GPR101: variants seen among roughly 807,000 people sequenced by gnomAD.
The protein encoded by GPR101 is probable G protein-coupled receptor 101.
In GPR101, 8 loss-of-function variants were observed where a neutral mutation model predicts 16.4. The ratio of observed to expected loss-of-function variants is 0.49; its 90% confidence interval spans 0.29 to 0.88. The LOEUF (loss-of-function observed/expected upper bound fraction) is 0.88, where lower values mean the gene tolerates loss of function less well. Among genes scored for constraint, GPR101 ranks in the 40% least tolerant of loss-of-function variants. The pLI, the probability that GPR101 is intolerant of heterozygous loss-of-function variation, is 0.09. For synonymous variants in GPR101, 155 were observed against 168.7 expected, an observed-to-expected ratio of 0.92 and a Z score of 0.63; for missense variants, 375 against 411.7, an observed-to-expected ratio of 0.91 and a Z score of 0.77.
Position 137,025,575 on chromosome X carries a change from A to G in GPR101, c.*4573T>C, listed in dbSNP as rs1250219714. Among the ~76,000 whole-genome samples the G allele has an allele frequency of 1.8e-5, 2 of 112,572 alleles. No individual in the cohort carries two copies. The highest frequency in any genetic ancestry group is 6.5e-5 in the African/African-American group (2 of 31,002). On this transcript the variant is annotated 3_prime_UTR_variant, in exon 2 of 2. Transcript: ENST00000651716. ...TTAGAACAAGACAGATAGAATAATT[A>G]TTCCTCAGACATAGTAAACCTCCTG... is the stretch of plus-strand genomic sequence containing the variant.
rs189740523 is a variant in GPR101 at position 137,026,758 on chromosome X, G to A, written c.*3390C>T. ...CTTTTCCTTACCTGTTGAATTTGAAGTAGGTATCCCGTCATCTCTAAATTG... is the reference window on the plus strand; with the variant it reads ...CTTTTCCTTACCTGTTGAATTTGAAATAGGTATCCCGTCATCTCTAAATTG... On this transcript the variant is annotated 3_prime_UTR_variant, in exon 2 of 2. Transcript: ENST00000651716. 3.6e-5 allele frequency among the ~76,000 whole-genome samples: 4 copies of A among 111,450 alleles called. No individual in the cohort carries two copies. The East Asian group carries it at 1.1e-3, about 31-fold the overall frequency.
Position 137,030,515 on chromosome X carries a change from G to C in GPR101, c.1160C>G (p.Pro387Arg), listed in dbSNP as rs1478005892. The C allele has an allele frequency of 5.8e-6, 7 of 1,208,573 alleles. No homozygotes were observed. The highest frequency in any genetic ancestry group is 3.5e-5 in the African/African-American group (2 of 56,903). Reference sequence around the variant, plus strand: ...GCACTGGTAGCACCTGGGCAGAGGAGGGTTGCTGTTGCTGTTACGACGACT... The same window carrying C: ...GCACTGGTAGCACCTGGGCAGAGGACGGTTGCTGTTGCTGTTACGACGACT... ...PPSRRNSNSN[P>R]PLPRCYQCKA... The change falls in exon 2 of 2, where the codon CCT (proline) becomes CGT (arginine). Residue 387 changes from proline (P) to arginine (R), a missense_variant. Pro to Arg is a moderately radical substitution (Grantham distance 103, BLOSUM62 -2). Coordinates refer to ENST00000651716, the MANE Select transcript of GPR101 (RefSeq NM_054021.2).
At chrX:137,032,517 T>C (rs1289112831) in intron 1 of GPR101, among the ~76,000 whole-genome samples, 1 of 110,653 alleles carries the variant, frequency 9.0e-6, no homozygotes, top group Non-Finnish European at 1.9e-5. Context: ...TGTCTCTCCA[T>C]TTCTCTCTCA....
Position 137,029,148 on chromosome X carries a change from T to TGTAG in GPR101, c.*996_*999dup, listed in dbSNP as rs202242834. Among the ~76,000 whole-genome samples, 611 of 112,648 alleles carry TGTAG rather than the reference T, an allele frequency of 5.4e-3. 6 individuals are homozygous for TGTAG. The highest frequency in any genetic ancestry group is 0.018 in the African/African-American group (563 of 31,021). On this transcript the variant is annotated 3_prime_UTR_variant, in exon 2 of 2. Coordinates refer to ENST00000651716, the MANE Select transcript of GPR101 (RefSeq NM_054021.2). ...TATTCCTCAGTGACATCATGAATTT[T>TGTAG]GTAGGACTTAGGCCACTTCTAGTTG...
rs767459447 is a variant in GPR101, at chrX:137,026,015, C to T, written c.*4133G>A. On this transcript the variant is annotated 3_prime_UTR_variant, in exon 2 of 2. Coordinates refer to ENST00000651716, the MANE Select transcript of GPR101 (RefSeq NM_054021.2). ...TTAGCTTAGAGGGGCTTTGAGGGGC[C>T]GAGAGCACTAGTCCAGCCCATGGAA... 8.0e-5 allele frequency among the ~76,000 whole-genome samples: 9 copies of T among 111,994 alleles called. No homozygotes were observed. The highest frequency in any genetic ancestry group is 2.6e-4 in the African/African-American group (8 of 30,830).
Position 137,030,127 on chromosome X carries a change from A to C in GPR101, c.*21T>G. 1 of 1,147,318 alleles carries C rather than the reference A, an allele frequency of 8.7e-7. No homozygotes were observed. Among genetic ancestry groups the C allele is most frequent in the Non-Finnish European group, 1.2e-6 (1 of 859,243 alleles). The allele number at this position is 1,147,318 out of a possible 1,213,427, so 94.6% of individuals were successfully genotyped here. A position where few individuals can be genotyped will look rare whatever the true frequency, so the allele number is the denominator to read the frequency against. ...TGTTTCTCGTGTTATGGACAGTTCA[A>C]GGTTTGCCTTAGAACTAACTTCAAG... On this transcript the variant is annotated 3_prime_UTR_variant, in exon 2 of 2. Coordinates refer to ENST00000651716, the MANE Select transcript of GPR101 (RefSeq NM_054021.2).
rs766611876 is a variant in GPR101, at chrX:137,030,605, T to C, written c.1070A>G (p.Glu357Gly). The C allele has an allele frequency of 1.7e-6, 2 of 1,209,291 alleles. No individual in the cohort carries two copies. The highest frequency in any genetic ancestry group is 5.9e-5 in the East Asian group (2 of 33,761). The change falls in exon 2 of 2, where the codon GAA becomes GGA. Residue 357 changes from glutamate to glycine, a missense_variant. Transcript: ENST00000651716. Reference protein sequence around the residue: ...DLGEDDMEFGEDDINFSEDDV... With the variant: ...DLGEDDMEFGGDDINFSEDDV... The stretch of plus-strand genomic sequence containing the variant: ...ATCCTCACTGAAATTGATGTCGTCT[T>C]CACCAAACTCCATGTCATCTTCACC...
In GPR101 at chrX:137,025,164, C is replaced by T. The variant is rs1927151933; in HGVS notation, c.*4984G>A. ...CACTTCCTGCAACCCCACCTTGGCA[C>T]TATTTTACATATCCTGTAGTATATA... On this transcript the variant is annotated 3_prime_UTR_variant, in exon 2 of 2. Coordinates refer to ENST00000651716, the MANE Select transcript of GPR101 (RefSeq NM_054021.2). 8.9e-6 allele frequency among the ~76,000 whole-genome samples: 1 copy of T among 112,129 alleles called. No individual in the cohort carries two copies. Among genetic ancestry groups the T allele is most frequent in the African/African-American group, 3.2e-5 (1 of 30,819 alleles).
rs747284684 is a variant in GPR101 at position 137,028,348 on chromosome X, C to T, written c.*1800G>A. On this transcript the variant is annotated 3_prime_UTR_variant, in exon 2 of 2. Transcript: ENST00000651716. ...TGCAGAGTTATTCACAGTCCAAATA[C>T]ATTGCTGTTTACCCCTTGAGAAGTT... Among the ~76,000 whole-genome samples the T allele has an allele frequency of 1.7e-4, 19 of 111,633 alleles. No individual in the cohort carries two copies. Among genetic ancestry groups the T allele is most frequent in the African/African-American group, 4.9e-4 (15 of 30,763 alleles).
rs1602597823 is a variant in GPR101, at chrX:137,028,644, C to G, written c.*1504G>C. ...TCTGTAGGAGGATCAAAAACACTGG[C>G]TTGACTGTTTTTTTGGTTCCATGTT... On this transcript the variant is annotated 3_prime_UTR_variant, in exon 2 of 2. Coordinates refer to ENST00000651716, the MANE Select transcript of GPR101 (RefSeq NM_054021.2). Among the ~76,000 whole-genome samples, 1 of 112,173 alleles carries G rather than the reference C, an allele frequency of 8.9e-6. No individual in the cohort carries two copies. Among genetic ancestry groups the G allele is most frequent in the African/African-American group, 3.2e-5 (1 of 30,908 alleles).
chrX:137,030,588 T>G lies in GPR101; in HGVS notation c.1087A>C (p.Ser363Arg). 1 of 1,211,627 alleles carries G rather than the reference T, an allele frequency of 8.3e-7. No homozygotes were observed. The highest frequency in any genetic ancestry group is 1.1e-6 in the Non-Finnish European group (1 of 895,358). ...TTCACTGCCTCGACGTCATCCTCAC[T>G]GAAATTGATGTCGTCTTCACCAAAC... The part of the protein sequence containing the change: ...MEFGEDDINF[S>R]EDDVEAVNIP... The change falls in exon 2 of 2, where the codon AGT becomes CGT. Residue 363 changes from serine (S) to arginine (R), a missense_variant. Physicochemically the swap from Ser to Arg is moderately radical, Grantham distance 110 (BLOSUM62 -1). Coordinates refer to ENST00000651716, the MANE Select transcript of GPR101 (RefSeq NM_054021.2).
rs1354242756 is a variant in GPR101 at position 137,030,546 on chromosome X, G to A, written c.1129C>T (p.Pro377Ser). The change falls in exon 2 of 2, where the codon CCA becomes TCA. Residue 377 changes from proline to serine, a missense_variant. Pro to Ser is a moderately conservative substitution (Grantham distance 74, BLOSUM62 -1). Coordinates refer to ENST00000651716, the MANE Select transcript of GPR101 (RefSeq NM_054021.2). The part of the protein sequence containing the change: ...VEAVNIPESL[P>S]PSRRNSNSNP... ...CTGTTGCTGTTACGACGACTGGGTG[G>A]GAGGCTCTCCGGGATGTTCACTGCC... The A allele has an allele frequency of 3.3e-6, 4 of 1,210,783 alleles. No individual in the cohort carries two copies. Among genetic ancestry groups the A allele is most frequent in the Non-Finnish European group, 4.5e-6 (4 of 895,072 alleles).
At chrX:137,032,590 G>C (rs1927288921) in intron 1 of GPR101, among the ~76,000 whole-genome samples, 1 of 110,603 alleles carries the variant, frequency 9.0e-6, no homozygotes, top group African/African-American at 3.3e-5. Context: ...GTCGTTCGCT[G>C]TGTCTCTGCC....
chrX:137,031,474 G>T lies in GPR101; in HGVS notation c.201C>A (p.Asn67Lys). The T allele has an allele frequency of 1.7e-6, 2 of 1,199,640 alleles. No individual in the cohort carries two copies. Among genetic ancestry groups the T allele is most frequent in the Non-Finnish European group, 2.2e-6 (2 of 889,579 alleles). The change falls in exon 2 of 2, where the codon AAC becomes AAA. Residue 67 changes from asparagine (N) to lysine (K), a missense_variant. By Grantham distance (94) the Asn-to-Lys change is moderately conservative (BLOSUM62 0). Transcript: ENST00000651716. ...QRKPQLLQVT[N>K]RFIFNLLVTD... The stretch of plus-strand genomic sequence containing the variant: ...TGACGAGGAGGTTAAAGATAAAACG[G>T]TTGGTCACCTGCAGCAGCTGCGGCT...
At chrX:137,033,413 C>A (rs1927307413) in intron 1 of GPR101, among the ~76,000 whole-genome samples, 1 of 108,296 alleles carries the variant, frequency 9.2e-6, no homozygotes, top group Non-Finnish European at 1.9e-5. Flanking sequence ...AGAATGTGAG[C>A]AACAGAGAGG....
In GPR101 at chrX:137,027,331, C is replaced by A. The variant is rs1429982395; in HGVS notation, c.*2817G>T. 1.9e-5 allele frequency among the ~76,000 whole-genome samples: 2 copies of A among 104,275 alleles called. No individual in the cohort carries two copies. Among genetic ancestry groups the A allele is most frequent in the African/African-American group, 3.6e-5 (1 of 28,070 alleles). The allele number at this position is 104,275 out of a possible 115,157, so 90.6% of individuals were successfully genotyped here. A position where few individuals can be genotyped will look rare whatever the true frequency, so the allele number is the denominator to read the frequency against. ...TTTTTTTACTGCACATATGAAGTGG[C>A]CTTGGCAAAAGAATACATCCTTTAA... On this transcript the variant is annotated 3_prime_UTR_variant, in exon 2 of 2. Transcript: ENST00000651716.
Position 137,030,929 on chromosome X carries a change from C to T in GPR101, c.746G>A (p.Gly249Glu), listed in dbSNP as rs747548759. 3.3e-6 allele frequency: 4 copies of T among 1,211,982 alleles called. No individual in the cohort carries two copies. Among genetic ancestry groups the T allele is most frequent in the Non-Finnish European group, 4.5e-6 (4 of 895,565 alleles). Residue 249 changes from glycine to glutamate, a missense_variant, in exon 2 of 2, where the codon GGA (glycine) becomes GAA (glutamate). Physicochemically the swap from Gly to Glu is moderately conservative, Grantham distance 98. Transcript: ENST00000651716. ...KDCVENEDEE[G>E]AEKKEEFQDE... The stretch of plus-strand genomic sequence containing the variant: ...CTGGAACTCCTCCTTCTTCTCTGCT[C>T]CCTCTTCATCCTCATTCTCCACACA...
rs1384969287 is a variant in GPR101 at position 137,031,561 on chromosome X, C to T, written c.114G>A (p.Leu38=). 1 of 1,210,294 alleles carries T rather than the reference C, an allele frequency of 8.3e-7. No homozygotes were observed. Among genetic ancestry groups the T allele is most frequent in the Non-Finnish European group, 1.1e-6 (1 of 895,226 alleles). Residue 38 remains leucine, a synonymous_variant, in exon 2 of 2, where the codon CTG becomes CTA. Transcript: ENST00000651716. ...CGAAAGAGGCGGCGAGGAAGATAAC[C>T]AGCACGGTTGAGCGGATGATGCCGT... ...LAHGIIRSTV[L]VIFLAASFVG... is the part of the protein sequence containing the mutation.
Position 137,028,325 on chromosome X carries a change from CAG to C in GPR101, c.*1821_*1822del. Among the ~76,000 whole-genome samples, 1 of 111,531 alleles carries C rather than the reference CAG, an allele frequency of 9.0e-6. No individual in the cohort carries two copies. The highest frequency in any genetic ancestry group is 1.9e-5 in the Non-Finnish European group (1 of 53,071). On this transcript the variant is annotated 3_prime_UTR_variant, in exon 2 of 2. Coordinates refer to ENST00000651716, the MANE Select transcript of GPR101 (RefSeq NM_054021.2). Reference sequence around the variant, plus strand: ...AACATGGCAATCCCAAATTCCCATGCAGAGTTATTCACAGTCCAAATACATTG... The same window carrying C: ...AACATGGCAATCCCAAATTCCCATGCAGTTATTCACAGTCCAAATACATTG...
Sources: gnomAD v4.1 joint callset for allele counts (sites outside exome capture counted in the v4.1 genomes callset) on GRCh38, gnomAD v4.1.1 for gene constraint, MANE v1.5 for transcripts, NCBI Gene and HGNC (gene_info 2026-07-23, HGNC 2026-07-21) for gene names.